The following FREM2 variants were observed in gnomAD, a reference collection of about 807,000 sequenced individuals.
FREM2 encodes the protein FRAS1 related extracellular matrix 2.
A neutral mutation model predicts 219.9 loss-of-function variants in FREM2; 119 were observed. The observed-to-expected ratio is 0.54, with a 90% CI of 0.47 to 0.63. The LOEUF (loss-of-function observed/expected upper bound fraction) is 0.63. Among genes scored for constraint, FREM2 ranks in the 30% least tolerant of loss-of-function variants. The pLI is 0.00. For synonymous variants in FREM2, 1,562 were observed against 1,522.8 expected, an observed-to-expected ratio of 1.03 and a Z score of -0.60; for missense variants, 4,030 against 3,993.6, an observed-to-expected ratio of 1.01 and a Z score of -0.25.
At chr13:38,813,518 C>CT (rs1290487493) in intron 6 of FREM2, among the ~76,000 whole-genome samples, 1 of 7,802 alleles carries the variant, frequency 1.3e-4, no homozygotes, top group Non-Finnish European at 3.0e-4. Context: ...CTCTCTCTCT[C>CT]CTCTCTCTCT....
At position 38,850,074 on chromosome 13, in the gene FREM2, G is replaced by A. The variant is rs371458568; in HGVS notation, c.6416G>A (p.Gly2139Asp). ...CAATTCAAAGAACGAATATATACTGGCAGCGAAAGTGATGGGCAGATAGTT... is the reference window on the plus strand; with the variant it reads ...CAATTCAAAGAACGAATATATACTGACAGCGAAAGTGATGGGCAGATAGTT... The part of the protein sequence containing the change: ...KMQFKERIYT[G>D]SESDGQIVTM... Residue 2139 changes from glycine to aspartate, a missense_variant, in exon 9 of 24, where the codon GGC becomes GAC. This residue lies in a region of FREM2 where 3,102 missense variants were observed against 2,950.7 expected (regional missense o/e 1.05). Transcript: ENST00000280481. The A allele has an allele frequency of 1.2e-6, 2 of 1,613,922 alleles. No homozygotes were observed. The highest frequency in any genetic ancestry group is 1.7e-5 in the Admixed American group (1 of 60,014).
intron 2 of FREM2, among the ~76,000 whole-genome samples, chr13:38,711,141 C>T (rs1042574254): frequency 6.6e-6 from 1 of 152,002 alleles, no homozygotes; most frequent in Non-Finnish European, 1.5e-5. Flanking sequence ...GAGTTTACAC[C>T]CTTGTCTTAA....
chr13:38,693,680 G>A (rs548167427), intron 1 of FREM2, among the ~76,000 whole-genome samples: 25 of 152,278 alleles, frequency 1.6e-4, no homozygotes, highest in African/African-American at 6.0e-4. Context: ...TCCCAGTGGG[G>A]GTGTTCTTTT....
At chr13:38,709,044 G>A (rs1189916631) in intron 2 of FREM2, among the ~76,000 whole-genome samples, 3 of 152,170 alleles carry the variant, frequency 2.0e-5, no homozygotes, top group East Asian at 3.9e-4. Context: ...ATAGGCATAA[G>A]CCACCACATC....
In FREM2 at chr13:38,687,319, C is replaced by T. The variant is rs984573239; in HGVS notation, c.-26C>T. 1.3e-6 allele frequency: 2 copies of T among 1,579,922 alleles called. No individual in the cohort carries two copies. The highest frequency in any genetic ancestry group is 2.3e-5 in the East Asian group (1 of 42,888). ...CCGACTTCGCATGCTCTCAGGCTGA[C>T]CTGTCCAAGCCCGAACACCGGGACC... On this transcript the variant is annotated 5_prime_UTR_variant, in exon 1 of 24. Coordinates refer to ENST00000280481, the MANE Select transcript of FREM2 (RefSeq NM_207361.6).
At chr13:38,827,001 T>C (rs925418235) in intron 6 of FREM2, among the ~76,000 whole-genome samples, 1 of 152,132 alleles carries the variant, frequency 6.6e-6, no homozygotes, top group Non-Finnish European at 1.5e-5. Flanking sequence ...GTTCCTCCCT[T>C]TTTCTTTAAT....
In FREM2 at chr13:38,687,687, C is replaced by T; in HGVS notation, c.343C>T (p.Leu115=). 1 of 1,581,972 alleles carries T rather than the reference C, an allele frequency of 6.3e-7. No individual in the cohort carries two copies. Among genetic ancestry groups the T allele is most frequent in the Non-Finnish European group, 8.6e-7 (1 of 1,161,908 alleles). ...CAVSVLDNDA[L]AQRPGRLSPK... is the part of the protein sequence containing the mutation. ...GGTTTCGGTACTAGACAACGACGCA[C>T]TGGCCCAGCGACCGGGCCGCCTGAG... is the stretch of plus-strand genomic sequence containing the variant. The change falls in exon 1 of 24, where the codon CTG becomes TTG. Residue 115 remains leucine (L), a synonymous_variant. Coordinates refer to ENST00000280481, the MANE Select transcript of FREM2 (RefSeq NM_207361.6).
chr13:38,771,588 T>A (rs372419578), intron 4 of FREM2, among the ~76,000 whole-genome samples: 9 of 152,246 alleles, frequency 5.9e-5, no homozygotes, highest in East Asian at 1.9e-4. Context: ...ACTTATATAA[T>A]CTTTTCTTAG....
intron 2 of FREM2, among the ~76,000 whole-genome samples, chr13:38,716,861 A>G (rs932430229): frequency 6.6e-6 from 1 of 152,178 alleles, no homozygotes; most frequent in Admixed American, 6.5e-5. Context: ...CACACTTTAC[A>G]TACATATGTA....
In FREM2 at chr13:38,859,507, A is replaced by G. The variant is rs1420143509; in HGVS notation, c.7436A>G (p.Gln2479Arg). Residue 2479 changes from glutamine (Q) to arginine (R), a missense_variant, in exon 14 of 24, where the codon CAG becomes CGG. Around this residue, in one of 2 missense-constraint regions of FREM2, gnomAD observed 928 missense variants for 1,042.9 expected, o/e 0.89. Coordinates refer to ENST00000280481, the MANE Select transcript of FREM2 (RefSeq NM_207361.6). ...TACTTTCAGCCTGGCTCCCGGGTAC[A>G]GTGCGCAGCTCGTGCTGTGAACACC... ...SIYFQPGSRV[Q>R]CAARAVNTNG... 1.8e-5 allele frequency: 29 copies of G among 1,613,954 alleles called. No individual in the cohort carries two copies. Among genetic ancestry groups the G allele is most frequent in the Non-Finnish European group, 2.4e-5 (28 of 1,180,020 alleles).
chr13:38,767,399 G>A (rs1162831597), intron 3 of FREM2, among the ~76,000 whole-genome samples: 2 of 152,190 alleles, frequency 1.3e-5, no homozygotes, highest in Non-Finnish European at 2.9e-5. Flanking sequence ...TTTAATATTA[G>A]ATGGCTTGAC....
At chr13:38,847,613 A>G (rs1272495053) in intron 7 of FREM2, among the ~76,000 whole-genome samples, 3 of 152,154 alleles carry the variant, frequency 2.0e-5, no homozygotes, top group African/African-American at 7.2e-5. Flanking sequence ...AAAAAATATA[A>G]AAAGAACCAC....
At chr13:38,825,048 G>A (rs1273920559) in intron 6 of FREM2, among the ~76,000 whole-genome samples, 7 of 152,096 alleles carry the variant, frequency 4.6e-5, no homozygotes, top group Admixed American at 2.0e-4. Context: ...TAATTTTTTC[G>A]AAGATGGTTT....
Position 38,783,080 on chromosome 13 carries a change from G to T in FREM2, c.5652G>T (p.Val1884=). The change falls in exon 5 of 24, where the codon GTG becomes GTT. Residue 1884 remains valine (V), a synonymous_variant. Transcript: ENST00000280481. ...EIVDPGDEPT[V]FIPQSKYSVE... ...GTGTTTTCTCTCTAGAGCCAACTGT[G>T]TTTATTCCCCAGTCCAAATACTCCG... 1 of 1,613,690 alleles carries T rather than the reference G, an allele frequency of 6.2e-7. No individual in the cohort carries two copies. The highest frequency in any genetic ancestry group is 8.5e-7 in the Non-Finnish European group (1 of 1,179,938).
intron 2 of FREM2, among the ~76,000 whole-genome samples, chr13:38,733,309 C>T (rs1871843730): frequency 1.8e-5 from 1 of 55,320 alleles, no homozygotes; most frequent in Non-Finnish European, 3.7e-5. Flanking sequence ...ACTTCGGAGC[C>T]AGTGGTTTTT....
At chr13:38,692,745 A>G (rs1593346663) in intron 1 of FREM2, among the ~76,000 whole-genome samples, 1 of 152,310 alleles carries the variant, frequency 6.6e-6, no homozygotes, top group Non-Finnish European at 1.5e-5. Context: ...TGAAAGTGGC[A>G]AGGATAGGCT....
intron 4 of FREM2, among the ~76,000 whole-genome samples, chr13:38,777,942 G>A (rs1036004643): frequency 6.6e-6 from 1 of 152,214 alleles, no homozygotes; most frequent in African/African-American, 2.4e-5. Flanking sequence ...GCACAGCCCA[G>A]ACACTCGGTT....
At chr13:38,853,812 A>G (rs1045202570) in intron 11 of FREM2, among the ~76,000 whole-genome samples, 2 of 152,234 alleles carry the variant, frequency 1.3e-5, no homozygotes, top group Admixed American at 6.5e-5. Context: ...ATGTCTTTCT[A>G]TAATGAGCAG....
chr13:38,797,646 T>C (rs1874845079), intron 6 of FREM2, among the ~76,000 whole-genome samples: 1 of 152,138 alleles, frequency 6.6e-6, no homozygotes, highest in Non-Finnish European at 1.5e-5. Context: ...TTTCTCTCTC[T>C]GTGCTTTTGA....
Sources: gnomAD v4.1 joint callset for allele counts (sites outside exome capture counted in the v4.1 genomes callset) on GRCh38, gnomAD v4.1.1 for gene constraint, gnomAD v4.1.1 regional missense constraint, MANE v1.5 for transcripts, NCBI Gene and HGNC (gene_info 2026-07-23, HGNC 2026-07-21) for gene names.